Variants in KDM4C observed in about 807,000 individuals in gnomAD.
KDM4C encodes lysine-specific demethylase 4C.
A neutral mutation model predicts 129.3 loss-of-function variants in KDM4C; 81 were observed. The ratio of observed to expected loss-of-function variants is 0.63; its 90% CI spans 0.52 to 0.75. KDM4C has a LOEUF of 0.75. Ranked by LOEUF, KDM4C falls within the 30% of genes least tolerant of loss-of-function variation. KDM4C has a pLI of 0.00. For synonymous variants in KDM4C, 573 were observed against 456.1 expected (o/e 1.26, Z -3.26); for missense variants, 1,457 against 1,304.0 (o/e 1.12, Z -1.81).
intron 18 of KDM4C, among the ~76,000 whole-genome samples, chr9:7,124,037 C>G (rs1023435014): frequency 5.9e-5 from 9 of 152,110 alleles, no homozygotes; most frequent in African/African-American, 2.2e-4. Context: ...GAGTCTGCTC[C>G]CAATGAGGCT....
chr9:6,773,306 G>C (rs1306772056), intron 1 of KDM4C, among the ~76,000 whole-genome samples: 2 of 152,106 alleles, frequency 1.3e-5, no homozygotes. Context: ...ATGTGCAAAT[G>C]CTACCATAAA....
chr9:7,092,257 C>G (rs1310061638), intron 17 of KDM4C, among the ~76,000 whole-genome samples: 2 of 152,160 alleles, frequency 1.3e-5, no homozygotes, highest in African/African-American at 4.8e-5. Flanking sequence ...GCTGTGGAAC[C>G]TGAGGCTCAG....
At chr9:6,766,793 G>T (rs541437644) in intron 1 of KDM4C, among the ~76,000 whole-genome samples, 22 of 151,950 alleles carry the variant, frequency 1.4e-4, no homozygotes, top group Non-Finnish European at 2.8e-4. Context: ...AACCTGCTGG[G>T]CTTCCCTGAC....
intron 7 of KDM4C, among the ~76,000 whole-genome samples, chr9:6,889,209 TTTTG>T (rs1421794010): frequency 3.1e-3 from 316 of 102,120 alleles, no homozygotes; most frequent in Non-Finnish European, 4.6e-3. Flanking sequence ...GTGGCCTTCT[TTTTG>T]TGTGTGTGTG....
chr9:6,879,117 G>A (rs1400689771), intron 5 of KDM4C, among the ~76,000 whole-genome samples: 1 of 152,136 alleles, frequency 6.6e-6, no homozygotes, highest in Non-Finnish European at 1.5e-5. Context: ...AGTTACTTTA[G>A]TAAGAAGTAA....
intron 5 of KDM4C, among the ~76,000 whole-genome samples, chr9:6,867,011 ATATATAT>A (rs1423959114): frequency 5.9e-5 from 6 of 102,232 alleles, no homozygotes; most frequent in South Asian, 5.9e-4. Context: ...ATATATATAT[ATATATAT>A]TTTTTTTTTT....
intron 1 of KDM4C, among the ~76,000 whole-genome samples, chr9:6,783,899 C>G (rs1824904868): frequency 6.6e-6 from 1 of 152,086 alleles, no homozygotes; most frequent in Non-Finnish European, 1.5e-5. Flanking sequence ...ACCCCGTTCT[C>G]TGTTGGGGTT....
intron 8 of KDM4C, among the ~76,000 whole-genome samples, chr9:6,966,164 C>G (rs924858430): frequency 1.3e-5 from 2 of 152,022 alleles, no homozygotes; most frequent in African/African-American, 4.8e-5. Context: ...AGATTTGGAA[C>G]AAAGTAAGAA....
At chr9:7,073,121 G>T (rs918769064) in intron 17 of KDM4C, among the ~76,000 whole-genome samples, 2 of 152,122 alleles carry the variant, frequency 1.3e-5, no homozygotes, top group African/African-American at 4.8e-5. Flanking sequence ...ACTCTCCTCT[G>T]GACGACATGG....
intron 5 of KDM4C, among the ~76,000 whole-genome samples, chr9:6,852,051 A>G (rs758602929): frequency 1.3e-5 from 2 of 152,200 alleles, no homozygotes; most frequent in Non-Finnish European, 2.9e-5. Flanking sequence ...AGTGAGTTGT[A>G]ACACTGATTC....
intron 17 of KDM4C, among the ~76,000 whole-genome samples, chr9:7,094,843 CAA>C (rs1836236173): frequency 1.3e-5 from 2 of 152,156 alleles, no homozygotes; most frequent in South Asian, 4.1e-4. Flanking sequence ...AATTGAAAGA[CAA>C]GAGGCAAAGA....
At chr9:6,803,943 C>T (rs1351584186) in intron 2 of KDM4C, among the ~76,000 whole-genome samples, 2 of 152,034 alleles carry the variant, frequency 1.3e-5, no homozygotes, top group African/African-American at 4.8e-5. Flanking sequence ...CTGCCTCAGC[C>T]TCTCGAGTAC....
intron 17 of KDM4C, among the ~76,000 whole-genome samples, chr9:7,075,285 T>C (rs1269004162): frequency 6.6e-6 from 1 of 152,210 alleles, no homozygotes; most frequent in African/African-American, 2.4e-5. Context: ...TGTTTTGAAG[T>C]TCAACTGTCC....
intron 12 of KDM4C, among the ~76,000 whole-genome samples, chr9:6,993,326 A>C (rs1005631820): frequency 6.6e-6 from 1 of 152,102 alleles, no homozygotes; most frequent in African/African-American, 2.4e-5. Flanking sequence ...AAAATACTAA[A>C]CTGCCTCTTT....
At chr9:7,057,567 T>C (rs1000750597) in intron 17 of KDM4C, among the ~76,000 whole-genome samples, 3 of 152,242 alleles carry the variant, frequency 2.0e-5, no homozygotes, top group Admixed American at 2.0e-4. Context: ...AAGTTAACAG[T>C]CTGACACAGA....
At chr9:6,809,597 G>T (rs1830768582) in intron 3 of KDM4C, among the ~76,000 whole-genome samples, 1 of 152,208 alleles carries the variant, frequency 6.6e-6, no homozygotes, top group African/African-American at 2.4e-5. Flanking sequence ...TTCTGTGGTT[G>T]TTCATAAGGA....
At chr9:7,077,092 C>T in intron 17 of KDM4C, 7 of 985,474 alleles carry the variant, frequency 7.1e-6, no homozygotes, top group Non-Finnish European at 8.4e-6. Context: ...CATCAAAGTT[C>T]TATCTGGGTG....
intron 2 of KDM4C, among the ~76,000 whole-genome samples, chr9:6,793,465 T>G (rs1827132160): frequency 6.6e-6 from 1 of 152,038 alleles, no homozygotes; most frequent in African/African-American, 2.4e-5. Context: ...AGACAACAAT[T>G]ATTAACCTGA....
chr9:7,048,767 T>A (rs1180594706), intron 16 of KDM4C, among the ~76,000 whole-genome samples: 1 of 152,122 alleles, frequency 6.6e-6, no homozygotes, highest in Non-Finnish European at 1.5e-5. Flanking sequence ...AGCACATACA[T>A]GCATATTCCA....
Sources: gnomAD v4.1 joint callset for allele counts (sites outside exome capture counted in the v4.1 genomes callset) on GRCh38, gnomAD v4.1.1 for gene constraint, MANE v1.5 for transcripts, NCBI Gene and HGNC (gene_info 2026-07-23, HGNC 2026-07-21) for gene names.